The following ANO1 variants were observed in gnomAD, a reference collection of about 807,000 sequenced individuals.
The protein encoded by ANO1 is anoctamin-1.
ANO1 carries 59 observed loss-of-function variants against 124.0 expected under a neutral mutation model. The ratio of observed to expected loss-of-function variants is 0.48; its 90% CI spans 0.39 to 0.59. The LOEUF (loss-of-function observed/expected upper bound fraction) is 0.59. Ranked by LOEUF, ANO1 falls within the 20% of genes least tolerant of loss-of-function variation. The pLI is 0.00. For missense variants in ANO1, 1,059 were observed against 1,328.0 expected, an observed-to-expected ratio of 0.80 and a Z score of 3.15; for synonymous variants, 529 against 532.0, an observed-to-expected ratio of 0.99 and a Z score of 0.08.
intron 1 of ANO1, among the ~76,000 whole-genome samples, chr11:70,012,118 C>T (rs1267493285): frequency 6.6e-6 from 1 of 152,006 alleles, no homozygotes; most frequent in African/African-American, 2.4e-5. Flanking sequence ...ATCCATTTGT[C>T]CATCTATTCA....
chr11:70,004,125 G>A (rs367587193), intron 1 of ANO1, among the ~76,000 whole-genome samples: 28 of 152,142 alleles, frequency 1.8e-4, no homozygotes, highest in African/African-American at 6.5e-4. Context: ...AAAGCCCCAG[G>A]TCCTCACACA....
chr11:70,153,861 G>A (rs2047698949), intron 14 of ANO1, among the ~76,000 whole-genome samples: 1 of 152,066 alleles, frequency 6.6e-6, no homozygotes, highest in African/African-American at 2.4e-5. Context: ...CGCCTCCCGG[G>A]TTCAAGCAAT....
At chr11:70,131,238 G>A (rs1404329719) in intron 10 of ANO1, among the ~76,000 whole-genome samples, 1 of 152,162 alleles carries the variant, frequency 6.6e-6, no homozygotes, top group Non-Finnish European at 1.5e-5. Flanking sequence ...CCACCTCCAA[G>A]GCCGGCAACA....
At chr11:70,166,233 C>T (rs1249199992) in intron 20 of ANO1, among the ~76,000 whole-genome samples, 1 of 152,016 alleles carries the variant, frequency 6.6e-6, no homozygotes, top group African/African-American at 2.4e-5. Context: ...CAGGAGAACC[C>T]CTTGAACCCA....
intron 1 of ANO1, among the ~76,000 whole-genome samples, chr11:69,995,582 T>C (rs1360235967): frequency 6.6e-6 from 1 of 152,228 alleles, no homozygotes; most frequent in Non-Finnish European, 1.5e-5. Flanking sequence ...TCTGATACTT[T>C]TGAGAAGTGC....
rs542386171 is a variant in ANO1 at position 70,165,458 on chromosome 11, C to G, written c.1951-12C>G. 74 of 1,601,648 alleles carry G rather than the reference C, an allele frequency of 4.6e-5. No individual in the cohort carries two copies. Among genetic ancestry groups the G allele is most frequent in the Middle Eastern group, 3.3e-4 (2 of 6,024 alleles). ...TCCCTGTAGCGTGGCTGATGCTGCT[C>G]TCTGTCCACAGTGTGCGCCAGGGGG... On this transcript the variant is annotated splice_polypyrimidine_tract_variant and intron_variant, in intron 19 of 25. Transcript: ENST00000355303.
rs1307587925 is a variant in ANO1 at position 70,134,316 on chromosome 11, G to A, written c.1258+2237G>A. 2.0e-5 allele frequency among the ~76,000 whole-genome samples: 3 copies of A among 152,176 alleles called. No homozygotes were observed. In the South Asian group the frequency reaches 6.2e-4, roughly 32 times the overall value. ...CCCACAAGTAAGTGTGACCCCTGTA[G>A]CACTGAGCCCCCTGAGCCACTAGAA... On this transcript the variant is annotated intron_variant, in intron 11 of 25. Coordinates refer to ENST00000355303, the MANE Select transcript of ANO1 (RefSeq NM_018043.7).
chr11:70,082,322 G>T (rs1433132983), intron 1 of ANO1, among the ~76,000 whole-genome samples: 1 of 152,192 alleles, frequency 6.6e-6, no homozygotes, highest in African/African-American at 2.4e-5. Flanking sequence ...ACCTTGGGAG[G>T]CCGAGGCTGG....
intron 9 of ANO1, among the ~76,000 whole-genome samples, chr11:70,125,223 G>A (rs1415093807): frequency 4.6e-5 from 7 of 152,142 alleles, no homozygotes; most frequent in African/African-American, 1.7e-4. Context: ...CATGCCTATA[G>A]TCCCAGCTAC....
chr11:70,181,540 G>A (rs1298418044), intron 23 of ANO1, among the ~76,000 whole-genome samples: 2 of 152,252 alleles, frequency 1.3e-5, no homozygotes, highest in African/African-American at 2.4e-5. Context: ...AGTGGGTGGA[G>A]CTGGGAACAG....
intron 10 of ANO1, among the ~76,000 whole-genome samples, chr11:70,131,028 G>A (rs879454703): frequency 6.6e-6 from 1 of 152,216 alleles, no homozygotes; most frequent in Admixed American, 6.5e-5. Context: ...TGTTTTCCAA[G>A]GCCTTATAAC....
chr11:70,046,464 A>T (rs782623577), intron 1 of ANO1, among the ~76,000 whole-genome samples: 8 of 152,234 alleles, frequency 5.3e-5, no homozygotes, highest in South Asian at 2.1e-4. Flanking sequence ...GGCTAAGAGT[A>T]TCTCAAAAGC....
chr11:70,155,763 C>T lies in ANO1; in HGVS notation c.1426-148C>T, dbSNP rs1300912036. On this transcript the variant is annotated intron_variant, in intron 14 of 25. Coordinates refer to ENST00000355303, the MANE Select transcript of ANO1 (RefSeq NM_018043.7). Reference sequence around the variant, plus strand: ...TCTTACTTGTTTAAAACGCCCAGAACCCGAGTCAGCCTTGGCAGTGAGCTT... The same window carrying T: ...TCTTACTTGTTTAAAACGCCCAGAATCCGAGTCAGCCTTGGCAGTGAGCTT... The T allele has an allele frequency of 1.1e-5, 7 of 639,868 alleles. No individual in the cohort carries two copies. The East Asian group carries it at 1.6e-4, about 15-fold the overall frequency. The allele number at this position is 639,868 out of a possible 1,614,324, so 39.6% of individuals were successfully genotyped here.
intron 1 of ANO1, among the ~76,000 whole-genome samples, chr11:69,994,642 G>A (rs532902356): frequency 1.3e-5 from 2 of 152,330 alleles, no homozygotes; most frequent in Middle Eastern, 3.4e-3. Context: ...AGCATGATTT[G>A]TCAAATGCAA....
intron 23 of ANO1, among the ~76,000 whole-genome samples, chr11:70,180,615 C>T (rs2048893650): frequency 2.6e-5 from 4 of 151,956 alleles, no homozygotes; most frequent in South Asian, 2.1e-4. Flanking sequence ...TGCCCACCTT[C>T]GCCCCTAAGT....
chr11:70,105,089 C>T (rs1184815943), intron 4 of ANO1, among the ~76,000 whole-genome samples: 1 of 152,074 alleles, frequency 6.6e-6, no homozygotes, highest in African/African-American at 2.4e-5. Context: ...CGCCGACCTC[C>T]CTCGTCTCTG....
At chr11:70,030,143 G>A (rs1220282833) in intron 1 of ANO1, among the ~76,000 whole-genome samples, 3 of 152,224 alleles carry the variant, frequency 2.0e-5, no homozygotes, top group African/African-American at 7.2e-5. Flanking sequence ...TCAGGGAAGC[G>A]AAAGTTGCTC....
chr11:70,053,791 C>T (rs1857390280), intron 1 of ANO1, among the ~76,000 whole-genome samples: 1 of 152,102 alleles, frequency 6.6e-6, no homozygotes, highest in African/African-American at 2.4e-5. Context: ...GAAAATTTTA[C>T]CAATGGAGCT....
intron 1 of ANO1, among the ~76,000 whole-genome samples, chr11:70,032,538 G>GC (rs1274216548): frequency 8.0e-5 from 12 of 149,970 alleles, no homozygotes; most frequent in Non-Finnish European, 1.6e-4. Context: ...GCGGGAGAGG[G>GC]GGGGGGTCTC....
Sources: allele counts gnomAD v4.1 joint callset (sites outside exome capture counted in the v4.1 genomes callset), GRCh38; gene constraint gnomAD v4.1.1; transcripts MANE v1.5; gene names NCBI Gene and HGNC (gene_info 2026-07-23, HGNC 2026-07-21).